SLC2A9: variants seen among roughly 807,000 people sequenced by gnomAD.
SLC2A9 encodes solute carrier family 2 member 9, also known as solute carrier family 2, facilitated glucose transporter member 9.
In SLC2A9, 39 loss-of-function variants were observed where a neutral mutation model predicts 50.6. The ratio of observed to expected loss-of-function variants is 0.77; its 90% CI spans 0.60 to 1.01. SLC2A9 has a LOEUF of 1.01. Among genes scored for constraint, SLC2A9 ranks in the 50% least tolerant of loss-of-function variants. SLC2A9 has a pLI of 0.00. For missense variants in SLC2A9, 686 were observed against 677.6 expected, an observed-to-expected ratio of 1.01 and a Z score of -0.14; for synonymous variants, 324 against 276.9, an observed-to-expected ratio of 1.17 and a Z score of -1.69.
At position 9,897,675 on chromosome 4, in the gene SLC2A9, T is replaced by TCGAGAC. The variant is rs551482631; in HGVS notation, c.1114-6965_1114-6964insGTCTCG. Reference sequence around the variant, plus strand: ...GCCAAAATGGGTGGATTACTTGAGGTCAGGAGTTCGAGACCAGCCTGGCCA... The same window carrying TCGAGAC: ...GCCAAAATGGGTGGATTACTTGAGGTCGAGACCAGGAGTTCGAGACCAGCCTGGCCA... On this transcript the variant is annotated intron_variant, in intron 8 of 11. Coordinates refer to ENST00000264784, the MANE Select transcript of SLC2A9 (RefSeq NM_020041.3). Among the ~76,000 whole-genome samples the TCGAGAC allele has an allele frequency of 3.3e-4, 50 of 151,982 alleles. No homozygotes were observed. In the South Asian group the frequency reaches 5.4e-3, roughly 16 times the overall value.
At chr4:9,952,620 A>G (rs1237890731) in intron 5 of SLC2A9, among the ~76,000 whole-genome samples, 1 of 150,932 alleles carries the variant, frequency 6.6e-6, no homozygotes, top group East Asian at 1.9e-4. Flanking sequence ...TGCATCCCCA[A>G]CCTCCTAGGC....
chr4:9,910,084 T>C (rs537023347), intron 7 of SLC2A9, among the ~76,000 whole-genome samples: 1 of 152,370 alleles, frequency 6.6e-6, no homozygotes, highest in Non-Finnish European at 1.5e-5. Context: ...CATAAAGTTA[T>C]GGGCATACCA....
At chr4:9,837,036 G>A (rs981281903) in intron 10 of SLC2A9, among the ~76,000 whole-genome samples, 1 of 152,264 alleles carries the variant, frequency 6.6e-6, no homozygotes, top group African/African-American at 2.4e-5. Flanking sequence ...ACCCCACTAT[G>A]ATGCCAGCAA....
intron 3 of SLC2A9, chr4:9,783,201 A>G: frequency 1.9e-6 from 3 of 1,614,160 alleles, no homozygotes; most frequent in Non-Finnish European, 2.5e-6. Flanking sequence ...AACATCAGCA[A>G]TGAGCTCATC....
chr4:10,002,105 G>A (rs951246100), intron 2 of SLC2A9, among the ~76,000 whole-genome samples: 3 of 152,210 alleles, frequency 2.0e-5, no homozygotes, highest in Admixed American at 1.3e-4. Flanking sequence ...AATGTCCTGT[G>A]CCAGCGGTGC....
chr4:9,923,088 T>G (rs1460796241), intron 6 of SLC2A9: 1 of 152,220 alleles, frequency 6.6e-6, no homozygotes, highest in Non-Finnish European at 1.5e-5. Flanking sequence ...GATATTCTTT[T>G]GAAAATAGCA....
At chr4:9,919,295 C>T (rs1462356454) in intron 7 of SLC2A9, among the ~76,000 whole-genome samples, 1 of 152,190 alleles carries the variant, frequency 6.6e-6, no homozygotes, top group Non-Finnish European at 1.5e-5. Context: ...AATCTGCTGA[C>T]TTTAACCAGA....
intron 10 of SLC2A9, among the ~76,000 whole-genome samples, chr4:9,855,112 C>T (rs984182571): frequency 6.6e-6 from 1 of 152,094 alleles, no homozygotes; most frequent in Non-Finnish European, 1.5e-5. Context: ...CCAACTGGAA[C>T]AATCAGGCAA....
At chr4:9,954,600 G>A (rs962875969) in intron 5 of SLC2A9, among the ~76,000 whole-genome samples, 1 of 152,162 alleles carries the variant, frequency 6.6e-6, no homozygotes, top group African/African-American at 2.4e-5. Flanking sequence ...GTGTGGTAGC[G>A]GCCCTGGGTG....
intron 3 of SLC2A9, among the ~76,000 whole-genome samples, chr4:9,785,163 G>A (rs1451889983): frequency 2.0e-5 from 3 of 152,122 alleles, no homozygotes; most frequent in Middle Eastern, 3.2e-3. Context: ...GGAGATCGTC[G>A]CATGACCTTG....
At chr4:9,825,742 A>G (rs948371134), downstream of SLC2A9, among the ~76,000 whole-genome samples, 5 of 152,208 alleles carry the variant, frequency 3.3e-5, no homozygotes, top group African/African-American at 1.2e-4. Context: ...TTTTGAGCCC[A>G]TTCCTGGAAC....
chr4:9,782,075 G>A (rs773728722), intron 3 of SLC2A9: 3 of 1,506,958 alleles, frequency 2.0e-6, no homozygotes, highest in Admixed American at 2.2e-5. Flanking sequence ...GGGGCAGTTC[G>A]CTCTATACCA....
chr4:9,935,594 A>C (rs1171344485), intron 6 of SLC2A9, among the ~76,000 whole-genome samples: 1 of 151,984 alleles, frequency 6.6e-6, no homozygotes, highest in Non-Finnish European at 1.5e-5. Flanking sequence ...AGAACTCCTG[A>C]CCCCTGCCCA....
chr4:9,818,303 C>T (rs1296420538), intron 3 of SLC2A9, among the ~76,000 whole-genome samples: 1 of 152,228 alleles, frequency 6.6e-6, no homozygotes, highest in Admixed American at 6.5e-5. Flanking sequence ...GCAAGGAGGA[C>T]TAATCTTCTG....
intron 5 of SLC2A9, among the ~76,000 whole-genome samples, chr4:9,950,048 G>A (rs570884504): frequency 6.6e-6 from 1 of 152,246 alleles, no homozygotes; most frequent in South Asian, 2.1e-4. Flanking sequence ...CATGTGGCTG[G>A]TCGTGTTTGC....
At chr4:9,970,090 T>G (rs1753648421) in intron 5 of SLC2A9, among the ~76,000 whole-genome samples, 1 of 152,100 alleles carries the variant, frequency 6.6e-6, no homozygotes, top group African/African-American at 2.4e-5. Flanking sequence ...GTCCTCAGAG[T>G]GTGGCAGTGG....
intron 2 of SLC2A9, among the ~76,000 whole-genome samples, chr4:10,018,590 A>G (rs1358076345): frequency 4.0e-5 from 5 of 124,306 alleles, no homozygotes; most frequent in Non-Finnish European, 6.4e-5. Context: ...ATAGATAGAT[A>G]ACAACAACAA....
intron 10 of SLC2A9, among the ~76,000 whole-genome samples, chr4:9,844,223 T>C (rs1340474573): frequency 1.3e-5 from 2 of 150,054 alleles, no homozygotes; most frequent in African/African-American, 2.4e-5. Flanking sequence ...AGAGGTGATA[T>C]GGATTGAGGT....
chr4:9,798,189 A>G (rs1433936104), downstream of SLC2A9, among the ~76,000 whole-genome samples: 1 of 152,198 alleles, frequency 6.6e-6, no homozygotes, highest in Non-Finnish European at 1.5e-5. Context: ...CCCTTTGGGT[A>G]CCACAGTAAA....
Sources: gnomAD v4.1 joint callset for allele counts (sites outside exome capture counted in the v4.1 genomes callset) on GRCh38, gnomAD v4.1.1 for gene constraint, MANE v1.5 for transcripts, NCBI Gene and HGNC (gene_info 2026-07-23, HGNC 2026-07-21) for gene names.